Variants in CHN2 observed in about 807,000 individuals in gnomAD.
The protein encoded by CHN2 is beta-chimaerin.
Under a neutral mutation model 56.3 loss-of-function variants are expected in CHN2, and 35 were observed. The observed-to-expected ratio is 0.62, with a 90% CI of 0.47 to 0.82. The LOEUF (loss-of-function observed/expected upper bound fraction) is 0.82, where lower values mean the gene tolerates loss of function less well. Among genes scored for constraint, CHN2 ranks in the 40% least tolerant of loss-of-function variants. CHN2 has a pLI of 0.00. For synonymous variants in CHN2, 210 were observed against 212.8 expected, an observed-to-expected ratio of 0.99 and a Z score of 0.12; for missense variants, 491 against 580.5, an observed-to-expected ratio of 0.85 and a Z score of 1.58.
chr7:29,219,826 C>T (rs1785627933), intron 1 of CHN2, among the ~76,000 whole-genome samples: 1 of 152,132 alleles, frequency 6.6e-6, no homozygotes, highest in South Asian at 2.1e-4. Flanking sequence ...CCTGTAATCC[C>T]AGCACTTTAG....
chr7:29,194,869 C>T lies in CHN2; in HGVS notation c.-73C>T, dbSNP rs2128760728. 7.6e-7 allele frequency: 1 copy of T among 1,316,200 alleles called. No homozygotes were observed. The allele number at this position is 1,316,200 out of a possible 1,614,324, so 81.5% of individuals were successfully genotyped here. On this transcript the variant is annotated 5_prime_UTR_variant, in exon 1 of 13. Transcript: ENST00000222792. Reference sequence around the variant, plus strand: ...GGCTGGGGGCCGCGGAGGCTGCGAGCGGCCGGGCGAGGGCAGCGGCGGCGG... The same window carrying T: ...GGCTGGGGGCCGCGGAGGCTGCGAGTGGCCGGGCGAGGGCAGCGGCGGCGG...
At chr7:29,298,182 A>T (rs1037148853) in intron 1 of CHN2, among the ~76,000 whole-genome samples, 1 of 152,084 alleles carries the variant, frequency 6.6e-6, no homozygotes, top group Non-Finnish European at 1.5e-5. Context: ...AGTTCCCCAG[A>T]CCTCATTTAT....
At chr7:29,430,677 A>G (rs2128113820) in intron 6 of CHN2, among the ~76,000 whole-genome samples, 1 of 152,024 alleles carries the variant, frequency 6.6e-6, no homozygotes, top group South Asian at 2.1e-4. Context: ...TATGGAGATG[A>G]GACACCTTTA....
At chr7:29,331,305 C>T (rs756214744) in intron 1 of CHN2, among the ~76,000 whole-genome samples, 2 of 152,156 alleles carry the variant, frequency 1.3e-5, no homozygotes, top group Non-Finnish European at 2.9e-5. Flanking sequence ...TCTGAAGCAT[C>T]TGGGAGTGGC....
chr7:29,356,437 C>T (rs1031896379), intron 2 of CHN2, among the ~76,000 whole-genome samples: 1 of 152,126 alleles, frequency 6.6e-6, no homozygotes, highest in Non-Finnish European at 1.5e-5. Flanking sequence ...TCCCAACATC[C>T]ACAAATTCCC....
At chr7:29,272,350 A>T (rs1340708669) in intron 1 of CHN2, among the ~76,000 whole-genome samples, 1 of 152,130 alleles carries the variant, frequency 6.6e-6, no homozygotes, top group Non-Finnish European at 1.5e-5. Context: ...CCTCGTTGAG[A>T]GCTGAGGGGC....
intron 1 of CHN2, among the ~76,000 whole-genome samples, chr7:29,331,501 T>C (rs1796209052): frequency 6.6e-6 from 1 of 152,052 alleles, no homozygotes; most frequent in Admixed American, 6.5e-5. Flanking sequence ...CCGGCATTTC[T>C]CCCGCCACCC....
chr7:29,273,353 A>ATATATATATATATATATATGTGTG (rs1790863759), intron 1 of CHN2, among the ~76,000 whole-genome samples: 1 of 63,372 alleles, frequency 1.6e-5, no homozygotes. Flanking sequence ...GTATATATAT[A>ATATATATATATATATATATGTGTG]TATATATATA....
intron 6 of CHN2, among the ~76,000 whole-genome samples, chr7:29,411,178 T>C (rs1208581915): frequency 6.6e-6 from 1 of 152,172 alleles, no homozygotes; most frequent in Non-Finnish European, 1.5e-5. Context: ...GGTGCAATTC[T>C]GATATATATG....
At chr7:29,370,626 C>T (rs1436429453) in intron 3 of CHN2, among the ~76,000 whole-genome samples, 1 of 152,224 alleles carries the variant, frequency 6.6e-6, no homozygotes, top group Admixed American at 6.5e-5. Context: ...TCTGATGACT[C>T]ATACTTTCCC....
At chr7:29,187,233 C>T (rs1798822267) in intron 2 of CHN2, among the ~76,000 whole-genome samples, 1 of 152,086 alleles carries the variant, frequency 6.6e-6, no homozygotes, top group South Asian at 2.1e-4. Context: ...TCTGTCTATA[C>T]TTTTATTGAA....
At chr7:29,380,928 G>A (rs1800448617) in intron 3 of CHN2, 1 of 152,168 alleles carries the variant, frequency 6.6e-6, no homozygotes, top group African/African-American at 2.4e-5. Context: ...GGAAGAACAG[G>A]CGATCTAGTG....
chr7:29,436,236 G>A (rs965006038), intron 6 of CHN2, among the ~76,000 whole-genome samples: 1 of 152,064 alleles, frequency 6.6e-6, no homozygotes, highest in South Asian at 2.1e-4. Context: ...CAGCTCCCAG[G>A]GATGCTGGGC....
chr7:29,210,041 T>C (rs898686764), intron 1 of CHN2, among the ~76,000 whole-genome samples: 1 of 152,206 alleles, frequency 6.6e-6, no homozygotes, highest in African/African-American at 2.4e-5. Context: ...GTGACTTTGA[T>C]GCTTATGTGT....
intron 6 of CHN2, among the ~76,000 whole-genome samples, chr7:29,423,050 C>G (rs1804503233): frequency 6.6e-6 from 1 of 152,190 alleles, no homozygotes; most frequent in Non-Finnish European, 1.5e-5. Context: ...CGTACCAAAC[C>G]TTGCCTATCA....
intron 6 of CHN2, among the ~76,000 whole-genome samples, chr7:29,432,045 T>A (rs2128115427): frequency 6.6e-6 from 1 of 152,338 alleles, no homozygotes; most frequent in Non-Finnish European, 1.5e-5. Context: ...ATTTAGGGGT[T>A]TGGGACTCAC....
At chr7:29,323,741 TA>T (rs1304270802) in intron 1 of CHN2, among the ~76,000 whole-genome samples, 1 of 152,010 alleles carries the variant, frequency 6.6e-6, no homozygotes, top group Admixed American at 6.6e-5. Flanking sequence ...CTCACACCTG[TA>T]ATTCCAGCAC....
At chr7:29,437,462 G>A (rs1472361715) in intron 6 of CHN2, among the ~76,000 whole-genome samples, 1 of 132,140 alleles carries the variant, frequency 7.6e-6, no homozygotes, top group Non-Finnish European at 1.6e-5. Flanking sequence ...GCCGGGCGTG[G>A]TGGCGGGCGC....
chr7:29,367,918 C>G lies in CHN2; in HGVS notation c.89-14C>G, dbSNP rs375729997. On this transcript the variant is annotated splice_polypyrimidine_tract_variant and intron_variant, in intron 2 of 12. Coordinates refer to ENST00000222792, the MANE Select transcript of CHN2 (RefSeq NM_004067.4). ...TCTAATTATTTCTCTCTCTCTCTCT[C>G]TCTTTTTTGGCAGTATATCAGTTAC... is the stretch of plus-strand genomic sequence containing the variant. The G allele has an allele frequency of 6.9e-6, 11 of 1,604,898 alleles. No homozygotes were observed. The highest frequency in any genetic ancestry group is 1.7e-5 in the Admixed American group (1 of 58,646).
Sources: allele counts gnomAD v4.1 joint callset (sites outside exome capture counted in the v4.1 genomes callset), GRCh38; gene constraint gnomAD v4.1.1; transcripts MANE v1.5; gene names NCBI Gene and HGNC (gene_info 2026-07-23, HGNC 2026-07-21).